The following ARL15 variants were observed in gnomAD, a reference collection of about 807,000 sequenced individuals.
The protein encoded by ARL15 is ADP-ribosylation factor-like protein 15.
Under a neutral mutation model 25.2 loss-of-function variants are expected in ARL15, and 19 were observed. The observed-to-expected ratio is 0.75, with a 90% CI of 0.53 to 1.10. The LOEUF (loss-of-function observed/expected upper bound fraction) is 1.10. Ranked by LOEUF, ARL15 falls within the 50% of genes least tolerant of loss-of-function variation. The probability of loss-of-function intolerance (pLI) is 0.00; values close to 1 mark genes in which losing one functional copy is unlikely to be tolerated. For synonymous variants in ARL15, 94 were observed against 86.8 expected (o/e 1.08, Z -0.46); for missense variants, 220 against 246.0 (o/e 0.89, Z 0.71).
At chr5:54,305,398 G>A (rs1758730810) in intron 1 of ARL15, among the ~76,000 whole-genome samples, 1 of 151,926 alleles carries the variant, frequency 6.6e-6, no homozygotes, top group Admixed American at 6.6e-5. Context: ...TACTTAGGAG[G>A]CTGAGACAGG....
At position 54,075,073 on chromosome 5, in the gene ARL15, G is replaced by GAAAAAAAAAAAAAAA. The variant is rs3836818; in HGVS notation, c.462+38114_462+38128dup. On this transcript the variant is annotated intron_variant, in intron 4 of 4. Coordinates refer to ENST00000504924, the MANE Select transcript of ARL15 (RefSeq NM_019087.3). The stretch of plus-strand genomic sequence containing the variant: ...GAATGATTCTTAGTACAGAATACAG[G>GAAAAAAAAAAAAAAA]AAAAAAAAAAAAAAAAAAAGTCCTG... 1.9e-4 allele frequency among the ~76,000 whole-genome samples: 12 copies of GAAAAAAAAAAAAAAA among 63,916 alleles called. 1 individual carries two copies. The highest frequency in any genetic ancestry group is 8.6e-4 in the Admixed American group (4 of 4,630). 41.9% of individuals were successfully genotyped at this position (63,916 alleles called of 152,430 possible). A position where few individuals can be genotyped will look rare whatever the true frequency, so the allele number is the denominator to read the frequency against.
intron 4 of ARL15, among the ~76,000 whole-genome samples, chr5:53,999,144 C>T (rs1162894046): frequency 6.6e-6 from 1 of 152,030 alleles, no homozygotes; most frequent in Non-Finnish European, 1.5e-5. Context: ...GTAGGACCAA[C>T]ATTCGGTAAG....
At chr5:54,207,194 G>A (rs1436241877) in intron 1 of ARL15, among the ~76,000 whole-genome samples, 6 of 152,192 alleles carry the variant, frequency 3.9e-5, no homozygotes, top group African/African-American at 7.2e-5. Context: ...GATGTGGCAC[G>A]ATACTAACTC....
intron 1 of ARL15, among the ~76,000 whole-genome samples, chr5:54,250,757 A>C (rs553787808): frequency 2.1e-4 from 32 of 152,152 alleles, no homozygotes; most frequent in Admixed American, 1.5e-3. Context: ...TGGAGGGAGA[A>C]CCATGTTGGC....
intron 4 of ARL15, among the ~76,000 whole-genome samples, chr5:54,064,201 G>A (rs922929760): frequency 2.0e-5 from 3 of 149,370 alleles, no homozygotes; most frequent in Non-Finnish European, 4.4e-5. Flanking sequence ...CTTAGACTGG[G>A]CAAGTAAAAA....
intron 4 of ARL15, among the ~76,000 whole-genome samples, chr5:53,974,278 G>A (rs561230633): frequency 4.3e-4 from 65 of 152,310 alleles, no homozygotes; most frequent in Middle Eastern, 6.8e-3. Flanking sequence ...GGTTGTAAGT[G>A]CCTGGGAGTG....
intron 4 of ARL15, among the ~76,000 whole-genome samples, chr5:53,987,804 A>G (rs1748345378): frequency 6.6e-6 from 1 of 152,166 alleles, no homozygotes; most frequent in South Asian, 2.1e-4. Context: ...AAAAATTAAA[A>G]TTAAAAAATA....
chr5:54,180,507 A>G (rs1248353867), intron 1 of ARL15, among the ~76,000 whole-genome samples: 1 of 152,202 alleles, frequency 6.6e-6, no homozygotes, highest in African/African-American at 2.4e-5. Context: ...ACGTTCCAAG[A>G]GCAACCTATG....
intron 4 of ARL15, among the ~76,000 whole-genome samples, chr5:54,088,180 A>G (rs1371542515): frequency 6.6e-6 from 1 of 152,224 alleles, no homozygotes; most frequent in Non-Finnish European, 1.5e-5. Context: ...ATAGAGCAAA[A>G]CACAAAAAGA....
intron 3 of ARL15, among the ~76,000 whole-genome samples, chr5:54,122,135 T>C (rs1753099843): frequency 2.0e-5 from 3 of 152,234 alleles, no homozygotes; most frequent in Admixed American, 2.0e-4. Flanking sequence ...GGACAGACCC[T>C]TTCTTTTTCT....
At chr5:53,937,205 C>T (rs1386629521) in intron 4 of ARL15, among the ~76,000 whole-genome samples, 1 of 152,074 alleles carries the variant, frequency 6.6e-6, no homozygotes, top group African/African-American at 2.4e-5. Flanking sequence ...CATTCCTAAC[C>T]ACAGATATCC....
intron 4 of ARL15, among the ~76,000 whole-genome samples, chr5:53,959,626 A>G (rs1747295744): frequency 6.6e-6 from 1 of 152,140 alleles, no homozygotes; most frequent in Non-Finnish European, 1.5e-5. Context: ...GGCACTGGCT[A>G]TAGAGGTGCA....
At chr5:54,001,666 T>C (rs1748853244) in intron 4 of ARL15, among the ~76,000 whole-genome samples, 1 of 152,234 alleles carries the variant, frequency 6.6e-6, no homozygotes, top group African/African-American at 2.4e-5. Flanking sequence ...AGTTTACTGT[T>C]CCAGCATCTT....
At chr5:53,972,223 C>A (rs985520538) in intron 4 of ARL15, among the ~76,000 whole-genome samples, 2 of 152,088 alleles carry the variant, frequency 1.3e-5, no homozygotes, top group African/African-American at 4.8e-5. Flanking sequence ...TTAGGCAAAG[C>A]AAACGTTCTT....
intron 4 of ARL15, among the ~76,000 whole-genome samples, chr5:54,041,199 T>C (rs917196645): frequency 6.6e-6 from 1 of 152,178 alleles, no homozygotes; most frequent in African/African-American, 2.4e-5. Flanking sequence ...AAATTGAAAA[T>C]CTATTTATAG....
At chr5:54,204,640 G>C (rs1755815168) in intron 1 of ARL15, among the ~76,000 whole-genome samples, 1 of 152,156 alleles carries the variant, frequency 6.6e-6, no homozygotes, top group African/African-American at 2.4e-5. Context: ...TTCCAGTCAA[G>C]TCTTGCACTT....
chr5:53,890,289 T>A (rs188836207), intron 4 of ARL15, among the ~76,000 whole-genome samples: 26 of 152,240 alleles, frequency 1.7e-4, no homozygotes, highest in Admixed American at 2.6e-4. Context: ...ACAACGTAAG[T>A]CATATACTTA....
intron 1 of ARL15, among the ~76,000 whole-genome samples, chr5:54,196,912 A>G (rs1428844223): frequency 1.3e-5 from 2 of 152,166 alleles, no homozygotes; most frequent in African/African-American, 2.4e-5. Flanking sequence ...AGAAAATAAA[A>G]ATCATCAGTG....
At chr5:54,114,379 G>A (rs1752830862) in intron 3 of ARL15, among the ~76,000 whole-genome samples, 1 of 111,440 alleles carries the variant, frequency 9.0e-6, no homozygotes, top group Non-Finnish European at 1.7e-5. Flanking sequence ...ACTCCAGCCT[G>A]GGCAACACAG....
Sources: gnomAD v4.1 joint callset for allele counts (sites outside exome capture counted in the v4.1 genomes callset) on GRCh38, gnomAD v4.1.1 for gene constraint, MANE v1.5 for transcripts, NCBI Gene and HGNC (gene_info 2026-07-23, HGNC 2026-07-21) for gene names.